The following FAM222B variants were observed in gnomAD, a reference collection of about 807,000 sequenced individuals.
FAM222B encodes protein FAM222B.
A neutral mutation model predicts 38.0 loss-of-function variants in FAM222B; 12 were observed. That is an observed-to-expected ratio of 0.32 (90% confidence interval 0.20 to 0.51). The LOEUF is 0.51. Ranked by LOEUF, FAM222B falls within the 20% of genes least tolerant of loss-of-function variation. The pLI, the probability that FAM222B is intolerant of heterozygous loss-of-function variation, is 0.97. For synonymous variants in FAM222B, 329 were observed against 317.2 expected, an observed-to-expected ratio of 1.04 and a Z score of -0.40; for missense variants, 716 against 754.2, an observed-to-expected ratio of 0.95 and a Z score of 0.59.
At chr17:28,778,697 G>GTATATATATATATATATATATATA (rs1204895077) in intron 1 of FAM222B, among the ~76,000 whole-genome samples, 5 of 45,340 alleles carry the variant, frequency 1.1e-4, no homozygotes, top group South Asian at 1.1e-3. Flanking sequence ...GTGTGTGTGT[G>GTATATATATATATATATATATATA]TATATATATA....
intron 1 of FAM222B, among the ~76,000 whole-genome samples, chr17:28,798,238 C>T (rs191033964): frequency 5.3e-5 from 8 of 152,036 alleles, no homozygotes; most frequent in African/African-American, 1.4e-4. Context: ...AACAATTAGC[C>T]GGGTGTGATG....
At chr17:28,791,223 T>A (rs899118448) in intron 1 of FAM222B, among the ~76,000 whole-genome samples, 9 of 151,754 alleles carry the variant, frequency 5.9e-5, no homozygotes, top group Admixed American at 1.3e-4. Flanking sequence ...TTTTTTATTT[T>A]AAAAAAATAC....
Position 28,771,143 on chromosome 17 carries a change from C to G in FAM222B, c.-40-4436G>C, listed in dbSNP as rs1597869562. Among the ~76,000 whole-genome samples the G allele has an allele frequency of 2.6e-5, 4 of 151,602 alleles. No homozygotes were observed. In the South Asian group the frequency reaches 8.3e-4, roughly 31 times the overall value. ...CCAAGGTCAGACAGCATATAGAAGG[C>G]TTTATAAAAGAACAGGAAAACTCAG... On this transcript the variant is annotated intron_variant, in intron 1 of 2. Coordinates refer to ENST00000581407, the MANE Select transcript of FAM222B (RefSeq NM_001077498.3).
Position 28,759,519 on chromosome 17 carries a change from G to C in FAM222B, c.440C>G (p.Pro147Arg), listed in dbSNP as rs2034952193. Residue 147 changes from proline (P) to arginine (R), a missense_variant, in exon 3 of 3, where the codon CCC becomes CGC. Transcript: ENST00000581407. This position sits in a 1 kb window ranked among gnomAD's most constrained non-coding sequence, Gnocchi z 4.8. ...CTGGCGGGCCAGAGCCTGGGCCTGGGGGTGGGCTAAAGTGCTGGGTGCCAC... is the reference window on the plus strand; with the variant it reads ...CTGGCGGGCCAGAGCCTGGGCCTGGCGGTGGGCTAAAGTGCTGGGTGCCAC... ...ATVAPSTLAH[P>R]QAQALARQQA... The C allele has an allele frequency of 6.3e-7, 1 of 1,586,782 alleles. No individual in the cohort carries two copies. Among genetic ancestry groups the C allele is most frequent in the Non-Finnish European group, 8.6e-7 (1 of 1,165,274 alleles).
intron 1 of FAM222B, among the ~76,000 whole-genome samples, chr17:28,848,466 A>G (rs1237988850): frequency 6.6e-6 from 1 of 152,024 alleles, no homozygotes; most frequent in Admixed American, 6.6e-5. Flanking sequence ...CTTGGTAAGA[A>G]ATTCAAGTAG....
rs1231740111 is a variant in FAM222B at position 28,758,534 on chromosome 17, G to A, written c.1425C>T (p.Phe475=). 1.2e-6 allele frequency: 2 copies of A among 1,610,680 alleles called. No individual in the cohort carries two copies. Among genetic ancestry groups the A allele is most frequent in the Non-Finnish European group, 1.7e-6 (2 of 1,179,846 alleles). The change falls in exon 3 of 3, where the codon TTC becomes TTT. Residue 475 remains phenylalanine (F), a synonymous_variant. Transcript: ENST00000581407. ...GTGCACCTGTGGGCTGCCCACCGTG[G>A]AACGGCATGGCAAGGTCCTGAGACC... ...SSGSQDLAMP[F]HGGQPTGAPL...
At position 28,795,137 on chromosome 17, in the gene FAM222B, G is replaced by A. The variant is rs920620182; in HGVS notation, c.-40-28430C>T. ...AAAATTCCTATACAGCAAAAGAGAC[G>A]TGTCCTCAGTGTCCTATTGATTTCC... On this transcript the variant is annotated intron_variant, in intron 1 of 2. Coordinates refer to ENST00000581407, the MANE Select transcript of FAM222B (RefSeq NM_001077498.3). Among the ~76,000 whole-genome samples the A allele has an allele frequency of 5.9e-5, 9 of 151,264 alleles. No homozygotes were observed. In the South Asian group the frequency reaches 1.5e-3, roughly 25 times the overall value.
At chr17:28,825,360 G>A (rs567324052) in intron 1 of FAM222B, among the ~76,000 whole-genome samples, 12 of 150,982 alleles carry the variant, frequency 7.9e-5, no homozygotes, top group South Asian at 4.2e-4. Flanking sequence ...CCCTTAGCCC[G>A]GTGGTGGAGG....
chr17:28,830,344 T>TTTCACCGTGTTAGCCGGGATGGTCTTAGC (rs2038623350), intron 1 of FAM222B, among the ~76,000 whole-genome samples: 1 of 151,480 alleles, frequency 6.6e-6, no homozygotes, highest in African/African-American at 2.4e-5. Context: ...TGTTTTTTAG[T>TTTCACCGTGTTAGCCGGGATGGTCTTAGC]AGAGAAGCGG....
chr17:28,776,847 C>T (rs2151824994), intron 1 of FAM222B, among the ~76,000 whole-genome samples: 1 of 152,136 alleles, frequency 6.6e-6, no homozygotes, highest in East Asian at 1.9e-4. Flanking sequence ...GTAGCTTAAA[C>T]CTAAGGGAGA....
upstream of FAM222B, among the ~76,000 whole-genome samples, chr17:28,845,986 G>A (rs1247114238): frequency 7.0e-6 from 1 of 142,508 alleles, no homozygotes; most frequent in Non-Finnish European, 1.5e-5. Flanking sequence ...GGTGGATCAC[G>A]AGGTCAGGAG....
chr17:28,812,067 A>G (rs1004434315), intron 1 of FAM222B: 12 of 150,730 alleles, frequency 8.0e-5, no homozygotes, highest in African/African-American at 3.0e-4. Flanking sequence ...GAAGGGAAGG[A>G]AAAAAAATGA....
chr17:28,764,385 T>C (rs915046289), intron 2 of FAM222B, among the ~76,000 whole-genome samples: 2 of 151,242 alleles, frequency 1.3e-5, no homozygotes, highest in Admixed American at 6.6e-5. Flanking sequence ...GAGGTTGCAG[T>C]GAGCCGAGAT....
chr17:28,854,331 T>A (rs73264544), intron 1 of FAM222B, among the ~76,000 whole-genome samples: 1 of 152,210 alleles, frequency 6.6e-6, no homozygotes, highest in East Asian at 1.9e-4. Flanking sequence ...TTTCTCCGGC[T>A]GCTAGAGCGG....
intron 1 of FAM222B, among the ~76,000 whole-genome samples, chr17:28,822,724 A>G (rs1319425701): frequency 2.8e-5 from 4 of 143,502 alleles, no homozygotes; most frequent in Non-Finnish European, 6.0e-5. Context: ...ACTGCTTAAA[A>G]CCCAGGAGGT....
At chr17:28,820,696 A>G (rs988879030) in intron 1 of FAM222B, among the ~76,000 whole-genome samples, 3 of 151,648 alleles carry the variant, frequency 2.0e-5, no homozygotes, top group African/African-American at 7.3e-5. Flanking sequence ...TGCAGTGGCA[A>G]GATCTCGGAT....
chr17:28,774,304 T>C (rs1032829288), intron 1 of FAM222B, among the ~76,000 whole-genome samples: 6 of 152,216 alleles, frequency 3.9e-5, no homozygotes, highest in African/African-American at 1.2e-4. Context: ...TCTTAACTGC[T>C]GAAGAGAATC....
intron 1 of FAM222B, among the ~76,000 whole-genome samples, chr17:28,813,455 T>G (rs980427108): frequency 1.3e-5 from 2 of 152,206 alleles, no homozygotes; most frequent in African/African-American, 4.8e-5. Context: ...TAAGCAACAG[T>G]TGAAGAGGAT....
At chr17:28,766,922 G>C in intron 1 of FAM222B, 1 of 454,306 alleles carries the variant, frequency 2.2e-6, no homozygotes, top group Non-Finnish European at 4.0e-6. Flanking sequence ...AGTTACCACA[G>C]ATGTATGGAT....
Sources: allele counts gnomAD v4.1 joint callset (sites outside exome capture counted in the v4.1 genomes callset), GRCh38; gene constraint gnomAD v4.1.1; non-coding constraint Gnocchi (gnomAD v3.1); transcripts MANE v1.5; gene names NCBI Gene and HGNC (gene_info 2026-07-23, HGNC 2026-07-21).